Variants in XRCC5 observed in about 807,000 individuals in gnomAD.
The protein encoded by XRCC5 is X-ray repair cross complementing 5.
Under a neutral mutation model 95.7 loss-of-function variants are expected in XRCC5, and 12 were observed. The observed-to-expected ratio is 0.13, with a 90% CI of 0.08 to 0.20. XRCC5 has a LOEUF of 0.20. Among genes scored for constraint, XRCC5 ranks in the 10% least tolerant of loss-of-function variants. XRCC5 has a pLI of 1.00. For synonymous variants in XRCC5, 281 were observed against 290.3 expected, an observed-to-expected ratio of 0.97 and a Z score of 0.33; for missense variants, 595 against 873.9, an observed-to-expected ratio of 0.68 and a Z score of 4.02.
At chr2:216,181,032 C>T (rs1206982610) in intron 16 of XRCC5, among the ~76,000 whole-genome samples, 2 of 151,894 alleles carry the variant, frequency 1.3e-5, no homozygotes, top group East Asian at 1.9e-4. Flanking sequence ...AGGCTGGTCT[C>T]GAACTCCCGA....
At chr2:216,191,427 T>A (rs773576062) in intron 17 of XRCC5, among the ~76,000 whole-genome samples, 5 of 151,986 alleles carry the variant, frequency 3.3e-5, no homozygotes, top group Non-Finnish European at 7.4e-5. Context: ...TTTTTTTTTC[T>A]TGAGACGGAC....
At chr2:216,138,028 AG>A in intron 11 of XRCC5, 60 bp from the exon 12 acceptor site, 1 of 1,381,810 alleles carries the variant, frequency 7.2e-7, no homozygotes, top group Non-Finnish European at 1.0e-6. Context: ...ATTTGGGATC[AG>A]TTTTATATTT....
chr2:216,129,936 C>G (rs1301633802), intron 8 of XRCC5, among the ~76,000 whole-genome samples: 1 of 152,070 alleles, frequency 6.6e-6, no homozygotes, highest in African/African-American at 2.4e-5. Flanking sequence ...TCGGCCTCCC[C>G]AAGTGCTAGG....
chr2:216,163,282 A>G (rs1688987811), intron 16 of XRCC5, among the ~76,000 whole-genome samples: 2 of 151,808 alleles, frequency 1.3e-5, no homozygotes, highest in Admixed American at 6.6e-5. Context: ...TTACATGTGT[A>G]AGTCACCATG....
At chr2:216,180,050 G>A (rs1689353812) in intron 16 of XRCC5, among the ~76,000 whole-genome samples, 1 of 152,184 alleles carries the variant, frequency 6.6e-6, no homozygotes, top group African/African-American at 2.4e-5. Context: ...TTTTTAGTCT[G>A]AGCAACTGGA....
intron 1 of XRCC5, among the ~76,000 whole-genome samples, chr2:216,112,425 G>C (rs1014486288): frequency 6.6e-6 from 1 of 152,174 alleles, no homozygotes; most frequent in East Asian, 1.9e-4. Context: ...ATGGAACATT[G>C]TTCTGGTATT....
chr2:216,161,573 A>G (rs1574472391), intron 15 of XRCC5, among the ~76,000 whole-genome samples: 2 of 152,310 alleles, frequency 1.3e-5, no homozygotes, highest in South Asian at 2.1e-4. Flanking sequence ...TGTATTTCTC[A>G]TGTTATCTTA....
At chr2:216,203,821 T>C (rs1689889944) in intron 19 of XRCC5, among the ~76,000 whole-genome samples, 1 of 149,490 alleles carries the variant, frequency 6.7e-6, no homozygotes, top group African/African-American at 2.5e-5. Context: ...TTGTCCACAG[T>C]GGAATTTAAG....
intron 16 of XRCC5, among the ~76,000 whole-genome samples, chr2:216,182,285 C>T (rs1689403550): frequency 6.6e-6 from 1 of 152,174 alleles, no homozygotes. Flanking sequence ...ATTTTGTGTT[C>T]CTGTTCCCTC....
intron 16 of XRCC5, among the ~76,000 whole-genome samples, chr2:216,188,092 C>G (rs41302504): frequency 0.029 from 4,444 of 152,144 alleles, 212 homozygotes; most frequent in African/African-American, 0.1. Flanking sequence ...TCCCCTATTT[C>G]TGTCCATGTA....
intron 19 of XRCC5, among the ~76,000 whole-genome samples, chr2:216,199,178 T>C (rs948443415): frequency 6.6e-6 from 1 of 152,254 alleles, no homozygotes; most frequent in Non-Finnish European, 1.5e-5. Context: ...CTATTTAAAT[T>C]CTTTTGAGGT....
chr2:216,143,864 G>T (rs1697210087), intron 13 of XRCC5, among the ~76,000 whole-genome samples: 1 of 136,508 alleles, frequency 7.3e-6, no homozygotes, highest in East Asian at 2.0e-4. Context: ...CCGCCACCAC[G>T]CCCGGCTAAT....
chr2:216,110,159 A>G (rs939291748), intron 1 of XRCC5, among the ~76,000 whole-genome samples: 4 of 152,232 alleles, frequency 2.6e-5, no homozygotes, highest in African/African-American at 9.6e-5. Context: ...GTCTGGTTTC[A>G]GGGCCCTGGA....
At chr2:216,167,052 A>C (rs1218627861) in intron 16 of XRCC5, among the ~76,000 whole-genome samples, 1 of 152,194 alleles carries the variant, frequency 6.6e-6, no homozygotes, top group Non-Finnish European at 1.5e-5. Context: ...ATGTTACCAA[A>C]TTGAATTCAC....
chr2:216,175,851 C>T (rs2106036665), intron 16 of XRCC5: 6 of 429,912 alleles, frequency 1.4e-5, no homozygotes, highest in South Asian at 9.4e-5. Flanking sequence ...GTGAGTGTGC[C>T]CCCTTTCTCA....
chr2:216,180,812 CTTT>C (rs112178335), intron 16 of XRCC5, among the ~76,000 whole-genome samples: 3 of 140,710 alleles, frequency 2.1e-5, no homozygotes, highest in African/African-American at 2.6e-5. Context: ...CCTTGAGTAT[CTTT>C]TTTTTTTTTT....
intron 16 of XRCC5, among the ~76,000 whole-genome samples, chr2:216,163,332 G>T (rs1688988884): frequency 6.6e-6 from 1 of 150,684 alleles, no homozygotes; most frequent in South Asian, 2.1e-4. Context: ...CTTTTTTTTG[G>T]GGGGACAGAA....
chr2:216,175,214 C>T (rs952720140), intron 16 of XRCC5: 4 of 371,708 alleles, frequency 1.1e-5, no homozygotes, highest in East Asian at 6.7e-5. Flanking sequence ...CCATTGTTGC[C>T]CACCGTCACC....
intron 16 of XRCC5, among the ~76,000 whole-genome samples, chr2:216,167,558 GTGTGTGTGGGTT>G (rs1269746865): frequency 5.6e-5 from 8 of 143,730 alleles, no homozygotes; most frequent in Non-Finnish European, 1.2e-4. Context: ...TCTCTCGTGT[GTGTGTGTGGGTT>G]TGTGTGTGTG....
Sources: gnomAD v4.1 joint callset for allele counts (sites outside exome capture counted in the v4.1 genomes callset) on GRCh38, gnomAD v4.1.1 for gene constraint, MANE v1.5 for transcripts, NCBI Gene and HGNC (gene_info 2026-07-23, HGNC 2026-07-21) for gene names.